The following TMEM72 variants were observed in gnomAD, a reference collection of about 807,000 sequenced individuals.
TMEM72 encodes the protein transmembrane protein 72.
A neutral mutation model predicts 16.3 loss-of-function variants in TMEM72; 9 were observed. The observed-to-expected ratio is 0.55, with a 90% CI of 0.33 to 0.96. TMEM72 has a LOEUF of 0.96. TMEM72 is among the 40% of genes least tolerant of loss of function. The probability of loss-of-function intolerance (pLI) is 0.03; values close to 1 mark genes in which losing one functional copy is unlikely to be tolerated. For synonymous variants in TMEM72, 160 were observed against 146.5 expected (o/e 1.09, Z -0.66); for missense variants, 324 against 337.8 (o/e 0.96, Z 0.32).
intron 1 of TMEM72, among the ~76,000 whole-genome samples, chr10:44,921,661 T>C (rs1840100438): frequency 6.6e-6 from 1 of 152,204 alleles, no homozygotes; most frequent in Non-Finnish European, 1.5e-5. Flanking sequence ...GGCCAACCAC[T>C]TCCACACTGG....
chr10:44,925,957 TCA>T (rs745946897), intron 1 of TMEM72, among the ~76,000 whole-genome samples: 10 of 146,222 alleles, frequency 6.8e-5, no homozygotes, highest in Admixed American at 6.8e-4. Context: ...ACACACACAC[TCA>T]CACACATATA....
chr10:44,919,729 A>G (rs931333160), intron 1 of TMEM72, among the ~76,000 whole-genome samples: 1 of 152,208 alleles, frequency 6.6e-6, no homozygotes, highest in Non-Finnish European at 1.5e-5. Context: ...TACAGTTTCA[A>G]TAGGAGCTCA....
chr10:44,923,294 T>A (rs1295097158), intron 1 of TMEM72: 1 of 141,068 alleles, frequency 7.1e-6, no homozygotes, highest in Non-Finnish European at 1.5e-5. Context: ...GGGGCTGTTG[T>A]GCCTCTCTCT....
intron 2 of TMEM72, among the ~76,000 whole-genome samples, chr10:44,931,042 A>C (rs2132727951): frequency 6.6e-6 from 1 of 152,344 alleles, no homozygotes; most frequent in South Asian, 2.1e-4. Flanking sequence ...TGTACAGAAG[A>C]ATTAGACAGG....
intron 1 of TMEM72, among the ~76,000 whole-genome samples, chr10:44,915,327 G>T (rs1325920339): frequency 3.3e-5 from 5 of 152,166 alleles, no homozygotes; most frequent in Non-Finnish European, 2.9e-5. Context: ...GCTTTGCACT[G>T]TGTATTTTAA....
In TMEM72 at chr10:44,911,446, G is replaced by A. The variant is rs765337257; in HGVS notation, c.-67G>A. ...GCCTCCTACCTACACAAGGGTGTTCGGGAGCATCTCAGGGCCGAAGACTTT... is the reference window on the plus strand; with the variant it reads ...GCCTCCTACCTACACAAGGGTGTTCAGGAGCATCTCAGGGCCGAAGACTTT... On this transcript the variant is annotated 5_prime_UTR_variant, in exon 1 of 5. Transcript: ENST00000389583. The A allele has an allele frequency of 9.4e-5, 141 of 1,505,886 alleles. No individual in the cohort carries two copies. In the East Asian group the frequency reaches 2.7e-3, roughly 29 times the overall value. The allele number at this position is 1,505,886 out of a possible 1,614,324, so 93.3% of individuals were successfully genotyped here.
intron 3 of TMEM72, among the ~76,000 whole-genome samples, chr10:44,932,473 G>T (rs1840314830): frequency 6.6e-6 from 1 of 152,222 alleles, no homozygotes. Flanking sequence ...TCTTCCTAGG[G>T]CCCGGGGGCA....
Position 44,911,476 on chromosome 10 carries a change from C to T in TMEM72, c.-37C>T. 6.5e-7 allele frequency: 1 copy of T among 1,545,978 alleles called. No homozygotes were observed. The highest frequency in any genetic ancestry group is 8.7e-7 in the Non-Finnish European group (1 of 1,144,106). On this transcript the variant is annotated 5_prime_UTR_variant, in exon 1 of 5. Transcript: ENST00000389583. ...CATCTCAGGGCCGAAGACTTTGCTGCCTGCCCTGCCAGGACTTTGTCCTCA... is the reference window on the plus strand; with the variant it reads ...CATCTCAGGGCCGAAGACTTTGCTGTCTGCCCTGCCAGGACTTTGTCCTCA...
intron 1 of TMEM72, among the ~76,000 whole-genome samples, chr10:44,914,357 C>G (rs1589037550): frequency 6.6e-6 from 1 of 152,244 alleles, no homozygotes; most frequent in Admixed American, 6.5e-5. Context: ...CAGGACATAA[C>G]AGACCACTCC....
chr10:44,926,008 C>T lies in TMEM72; in HGVS notation c.71-1913C>T, dbSNP rs555944911. On this transcript the variant is annotated intron_variant, in intron 1 of 4. Transcript: ENST00000389583. Reference sequence around the variant, plus strand: ...TCACACTCACATATTCACACATGCACATTCACACACATACACTCACACACA... The same window carrying T: ...TCACACTCACATATTCACACATGCATATTCACACACATACACTCACACACA... 3.4e-4 allele frequency among the ~76,000 whole-genome samples: 52 copies of T among 151,632 alleles called. 1 individual carries two copies. The South Asian group carries it at 8.7e-3, about 25-fold the overall frequency.
At position 44,934,518 on chromosome 10, in the gene TMEM72, A is replaced by T. The variant is rs1169766770; in HGVS notation, c.350-138A>T. The T allele has an allele frequency of 6.1e-6, 5 of 818,702 alleles. No individual in the cohort carries two copies. In the East Asian group the frequency reaches 1.1e-4, roughly 18 times the overall value. 50.7% of individuals were successfully genotyped at this position (818,702 alleles called of 1,614,324 possible). A position where few individuals can be genotyped will look rare whatever the true frequency, so the allele number is the denominator to read the frequency against. On this transcript the variant is annotated intron_variant, in intron 4 of 4. Transcript: ENST00000389583. ...TGTGGGGTGTGAGGACAAGCCAGGC[A>T]AGAGGGCCAGGGCCACAGGGGCCTG...
At chr10:44,917,575 A>G (rs1840030990) in intron 1 of TMEM72, among the ~76,000 whole-genome samples, 1 of 152,120 alleles carries the variant, frequency 6.6e-6, no homozygotes, top group Non-Finnish European at 1.5e-5. Context: ...TTTATTTTTC[A>G]TGGGATGACA....
chr10:44,931,011 C>T (rs940184054), intron 2 of TMEM72, among the ~76,000 whole-genome samples: 5 of 152,170 alleles, frequency 3.3e-5, no homozygotes, highest in Admixed American at 2.0e-4. Flanking sequence ...CCAATAAGCC[C>T]GACCCACTGT....
chr10:44,926,215 G>A (rs1027520107), intron 1 of TMEM72, among the ~76,000 whole-genome samples: 5 of 151,882 alleles, frequency 3.3e-5, no homozygotes, highest in Non-Finnish European at 7.4e-5. Flanking sequence ...ACACATACAT[G>A]CACTCACAAG....
intron 2 of TMEM72, among the ~76,000 whole-genome samples, chr10:44,928,745 C>T (rs1840242691): frequency 6.6e-6 from 1 of 151,422 alleles, no homozygotes; most frequent in South Asian, 2.1e-4. Flanking sequence ...CATACACCCA[C>T]CCATCTATCT....
At chr10:44,923,699 C>T (rs899222688) in intron 1 of TMEM72, among the ~76,000 whole-genome samples, 3 of 152,166 alleles carry the variant, frequency 2.0e-5, no homozygotes, top group Non-Finnish European at 2.9e-5. Context: ...GCTTCCAATC[C>T]CAGACACCTC....
At chr10:44,929,950 C>T (rs950322469) in intron 2 of TMEM72, among the ~76,000 whole-genome samples, 2 of 152,258 alleles carry the variant, frequency 1.3e-5, no homozygotes, top group African/African-American at 4.8e-5. Context: ...CCGTGTCTAA[C>T]TGACCATGTC....
At chr10:44,920,851 G>C (rs11239279) in intron 1 of TMEM72, among the ~76,000 whole-genome samples, 2,022 of 152,294 alleles carry the variant, frequency 0.013, 19 homozygotes, top group Non-Finnish European at 0.023. Context: ...GAGGATGCAG[G>C]ACTCAGCTTT....
chr10:44,914,266 C>T (rs1227731915), intron 1 of TMEM72, among the ~76,000 whole-genome samples: 1 of 152,226 alleles, frequency 6.6e-6, no homozygotes, highest in Admixed American at 6.5e-5. Context: ...TTGGGATAAA[C>T]AGGCCTCAGG....
Sources: gnomAD v4.1 joint callset for allele counts (sites outside exome capture counted in the v4.1 genomes callset) on GRCh38, gnomAD v4.1.1 for gene constraint, MANE v1.5 for transcripts, NCBI Gene and HGNC (gene_info 2026-07-23, HGNC 2026-07-21) for gene names.